Variants in SHROOM3 observed in about 807,000 individuals in gnomAD.
SHROOM3 encodes shroom family member 3.
In SHROOM3, 47 loss-of-function variants were observed where a neutral mutation model predicts 138.6. That is an observed-to-expected ratio of 0.34 (90% CI 0.27 to 0.43). The LOEUF is 0.43. Among genes scored for constraint, SHROOM3 ranks in the 20% least tolerant of loss-of-function variants. The pLI is 1.00. For synonymous variants in SHROOM3, 1,062 were observed against 1,063.3 expected (o/e 1.00, Z 0.02); for missense variants, 2,491 against 2,596.5 (o/e 0.96, Z 0.88).
intron 5 of SHROOM3, among the ~76,000 whole-genome samples, chr4:76,743,668 T>C (rs1721337606): frequency 6.6e-6 from 1 of 152,244 alleles, no homozygotes; most frequent in Non-Finnish European, 1.5e-5. Context: ...TCTTGCCTGT[T>C]TCCTTCTGAG....
At chr4:76,573,402 T>A (rs576622637) in intron 2 of SHROOM3, among the ~76,000 whole-genome samples, 3 of 147,822 alleles carry the variant, frequency 2.0e-5, no homozygotes, top group African/African-American at 7.4e-5. Context: ...ATAATAATAA[T>A]AATAATAATA....
chr4:76,749,212 G>C, intron 6 of SHROOM3, 122 bp downstream of exon 6: 1 of 963,184 alleles, frequency 1.0e-6, no homozygotes, highest in South Asian at 1.4e-5. Context: ...TTTTTGATTT[G>C]TCTAGGCCAT....
At chr4:76,632,921 A>C (rs1350975823) in intron 2 of SHROOM3, among the ~76,000 whole-genome samples, 1 of 152,176 alleles carries the variant, frequency 6.6e-6, no homozygotes, top group Non-Finnish European at 1.5e-5. Flanking sequence ...AAAAGCAATA[A>C]TAAGAAAAAC....
chr4:76,701,883 A>T (rs1719911287), intron 2 of SHROOM3, among the ~76,000 whole-genome samples: 1 of 152,218 alleles, frequency 6.6e-6, no homozygotes, highest in Non-Finnish European at 1.5e-5. Context: ...GTTCCTTTAA[A>T]AATGTAGAAA....
At chr4:76,756,124 AAAG>A (rs975194790) in intron 7 of SHROOM3, among the ~76,000 whole-genome samples, 1 of 152,206 alleles carries the variant, frequency 6.6e-6, no homozygotes, top group Non-Finnish European at 1.5e-5. Flanking sequence ...GTTGTTTTCT[AAAG>A]AAGGGGTTGA....
At chr4:76,588,662 G>A (rs1211435780) in intron 2 of SHROOM3, among the ~76,000 whole-genome samples, 1 of 152,092 alleles carries the variant, frequency 6.6e-6, no homozygotes, top group Middle Eastern at 3.2e-3. Context: ...AGGCCTGTAG[G>A]TTCAGAAGCT....
chr4:76,633,513 G>A (rs113811624), intron 2 of SHROOM3, among the ~76,000 whole-genome samples: 11 of 151,476 alleles, frequency 7.3e-5, no homozygotes, highest in Non-Finnish European at 1.0e-4. Flanking sequence ...AAAATTAGCC[G>A]GGTGTGGTGG....
At chr4:76,547,803 G>T (rs1034862239) in intron 1 of SHROOM3, among the ~76,000 whole-genome samples, 1 of 151,962 alleles carries the variant, frequency 6.6e-6, no homozygotes, top group South Asian at 2.1e-4. Flanking sequence ...GGTAGCGTGC[G>T]CCTATAGTCC....
intron 1 of SHROOM3, among the ~76,000 whole-genome samples, chr4:76,449,349 G>GT (rs1730876860): frequency 1.3e-5 from 2 of 152,022 alleles, no homozygotes; most frequent in South Asian, 4.1e-4. Flanking sequence ...ATACATAACT[G>GT]TTTTTTTAAG....
intron 2 of SHROOM3, among the ~76,000 whole-genome samples, chr4:76,595,195 C>T (rs190154929): frequency 9.2e-5 from 14 of 152,284 alleles, no homozygotes; most frequent in African/African-American, 3.4e-4. Flanking sequence ...CTGCCTGACA[C>T]GTAATAGGAA....
At chr4:76,674,351 T>C (rs1718965817) in intron 2 of SHROOM3, among the ~76,000 whole-genome samples, 1 of 152,140 alleles carries the variant, frequency 6.6e-6, no homozygotes, top group Admixed American at 6.5e-5. Context: ...TCTTCTCTCC[T>C]ACACATTTTC....
At chr4:76,606,174 TA>T (rs1734617604) in intron 2 of SHROOM3, among the ~76,000 whole-genome samples, 1 of 149,532 alleles carries the variant, frequency 6.7e-6, no homozygotes, top group Admixed American at 6.6e-5. Context: ...CCACCACGCC[TA>T]GCTAATTTTT....
At chr4:76,725,053 C>T (rs1451350443) in intron 3 of SHROOM3, among the ~76,000 whole-genome samples, 1 of 152,202 alleles carries the variant, frequency 6.6e-6, no homozygotes, top group Non-Finnish European at 1.5e-5. Flanking sequence ...CCTCTCCCAA[C>T]ATATCTTCTG....
chr4:76,554,746 C>T (rs1452903527), intron 1 of SHROOM3, among the ~76,000 whole-genome samples: 1 of 152,042 alleles, frequency 6.6e-6, no homozygotes, highest in Non-Finnish European at 1.5e-5. Flanking sequence ...TAATGTAACC[C>T]GTCCCCAACC....
intron 1 of SHROOM3, among the ~76,000 whole-genome samples, chr4:76,488,256 C>T (rs1247065726): frequency 6.6e-6 from 1 of 152,004 alleles, no homozygotes; most frequent in East Asian, 1.9e-4. Context: ...TTTTTAGCAA[C>T]GTTACACATA....
At chr4:76,737,717 G>A (rs1166822952) in intron 4 of SHROOM3, among the ~76,000 whole-genome samples, 1 of 152,044 alleles carries the variant, frequency 6.6e-6, no homozygotes, top group African/African-American at 2.4e-5. Flanking sequence ...ATGTTCCCTA[G>A]TATCTTGTTG....
chr4:76,445,508 A>T (rs186092192), intron 1 of SHROOM3, among the ~76,000 whole-genome samples: 1 of 152,330 alleles, frequency 6.6e-6, no homozygotes, highest in East Asian at 1.9e-4. Context: ...AATAAGAAAT[A>T]AGAAGCCAGA....
intron 1 of SHROOM3, among the ~76,000 whole-genome samples, chr4:76,467,045 G>GTT (rs56163246): frequency 0.3 from 42,666 of 144,470 alleles, 8,018 homozygotes; most frequent in Non-Finnish European, 0.43. Context: ...ACCCAGAAAA[G>GTT]TTTTTTTTTT....
chr4:76,732,355 T>A (rs1720913935), intron 4 of SHROOM3, among the ~76,000 whole-genome samples: 1 of 152,184 alleles, frequency 6.6e-6, no homozygotes. Context: ...CAGAACTCAG[T>A]CACAGCCCTT....
Sources: allele counts gnomAD v4.1 joint callset (sites outside exome capture counted in the v4.1 genomes callset), GRCh38; gene constraint gnomAD v4.1.1; transcripts MANE v1.5; gene names NCBI Gene and HGNC (gene_info 2026-07-23, HGNC 2026-07-21).